AFTPH: variants seen among roughly 807,000 people sequenced by gnomAD.
AFTPH encodes aftiphilin protein.
AFTPH carries 7 observed loss-of-function variants against 72.5 expected under a neutral mutation model. That is an observed-to-expected ratio of 0.10 (90% confidence interval 0.05 to 0.18). The LOEUF is 0.18. Among genes scored for constraint, AFTPH ranks in the 10% least tolerant of loss-of-function variants. The pLI is 1.00. For synonymous variants in AFTPH, 337 were observed against 370.1 expected (o/e 0.91, Z 1.03); for missense variants, 979 against 1,060.5 (o/e 0.92, Z 1.07).
intron 2 of AFTPH, among the ~76,000 whole-genome samples, chr2:64,560,374 T>C (rs1434018007): frequency 6.6e-6 from 1 of 152,100 alleles, no homozygotes; most frequent in African/African-American, 2.4e-5. Flanking sequence ...AAACCAAATC[T>C]GGTTTAAAAA....
chr2:64,569,018 C>T, intron 3 of AFTPH, 74 bp from the exon 4 acceptor site: 1 of 1,522,570 alleles, frequency 6.6e-7, no homozygotes, highest in South Asian at 1.1e-5. Context: ...ATGTCACAGC[C>T]ATATTATAAG....
At chr2:64,578,628 G>A (rs1445196401) in intron 6 of AFTPH, among the ~76,000 whole-genome samples, 6 of 151,524 alleles carry the variant, frequency 4.0e-5, no homozygotes, top group Non-Finnish European at 8.8e-5. Flanking sequence ...CACGATCTCG[G>A]CTCACTGCAA....
intron 7 of AFTPH, chr2:64,580,157 C>T (rs1001890259): frequency 4.6e-5 from 7 of 152,578 alleles, no homozygotes; most frequent in Non-Finnish European, 8.8e-5. Flanking sequence ...TAACTTATTT[C>T]AGTAATGTAA....
intron 1 of AFTPH, among the ~76,000 whole-genome samples, chr2:64,544,243 T>C (rs1670425810): frequency 6.6e-6 from 1 of 152,220 alleles, no homozygotes; most frequent in Non-Finnish European, 1.5e-5. Flanking sequence ...ACCCAAATTC[T>C]CTATCTCTAT....
chr2:64,548,048 C>G lies in AFTPH; in HGVS notation c.-32-3395C>G, dbSNP rs537501053. ...TCAAGTAATTCACCCTCCTCAGCCCCCCAAAGTGCTGGGATTACAGGTGTG... is the reference window on the plus strand; with the variant it reads ...TCAAGTAATTCACCCTCCTCAGCCCGCCAAAGTGCTGGGATTACAGGTGTG... On this transcript the variant is annotated intron_variant, in intron 1 of 8. Transcript: ENST00000238856. Among the ~76,000 whole-genome samples, 19 of 151,332 alleles carry G rather than the reference C, an allele frequency of 1.3e-4. 1 individual carries two copies. In the South Asian group the frequency reaches 3.9e-3, roughly 31 times the overall value.
chr2:64,540,620 G>A (rs987379353), intron 1 of AFTPH, among the ~76,000 whole-genome samples: 2 of 152,106 alleles, frequency 1.3e-5, no homozygotes, highest in South Asian at 2.1e-4. Context: ...AAAAGTGAAC[G>A]TGTGTTGCAG....
chr2:64,590,835 C>T (rs1022131768), intron 8 of AFTPH, among the ~76,000 whole-genome samples: 7 of 152,146 alleles, frequency 4.6e-5, no homozygotes, highest in Non-Finnish European at 8.8e-5. Flanking sequence ...ATAAAAAAGC[C>T]TGTAGCTATC....
At chr2:64,561,662 G>A (rs374253324) in intron 2 of AFTPH, among the ~76,000 whole-genome samples, 1 of 152,112 alleles carries the variant, frequency 6.6e-6, no homozygotes, top group African/African-American at 2.4e-5. Context: ...CTGAATGAGC[G>A]AGTGAGACCA....
chr2:64,558,245 G>A (rs1315669180), intron 2 of AFTPH, among the ~76,000 whole-genome samples: 1 of 152,116 alleles, frequency 6.6e-6, no homozygotes, highest in Non-Finnish European at 1.5e-5. Flanking sequence ...AATATCAAGA[G>A]TTACCTTAAA....
intron 8 of AFTPH, among the ~76,000 whole-genome samples, chr2:64,589,196 T>C (rs1214689230): frequency 1.3e-5 from 2 of 152,238 alleles, no homozygotes; most frequent in Admixed American, 1.3e-4. Context: ...TTTAGGTCTT[T>C]AATCCATTTT....
At chr2:64,525,252 T>G (rs1243345939) in intron 1 of AFTPH, among the ~76,000 whole-genome samples, 1 of 152,206 alleles carries the variant, frequency 6.6e-6, no homozygotes, top group Non-Finnish European at 1.5e-5. Flanking sequence ...TTGGACCATA[T>G]TCCTTAAGTG....
At chr2:64,526,548 T>A (rs562155660) in intron 1 of AFTPH, among the ~76,000 whole-genome samples, 6 of 152,356 alleles carry the variant, frequency 3.9e-5, no homozygotes, top group African/African-American at 1.4e-4. Context: ...TTTTTCCCTC[T>A]ATTCTTAGCA....
At chr2:64,577,549 C>T (rs1226697932) in intron 6 of AFTPH, among the ~76,000 whole-genome samples, 1 of 152,174 alleles carries the variant, frequency 6.6e-6, no homozygotes, top group South Asian at 2.1e-4. Flanking sequence ...ATTCAGAAAT[C>T]GTTATTGTAT....
intron 2 of AFTPH, among the ~76,000 whole-genome samples, chr2:64,558,876 A>G (rs1671545283): frequency 6.6e-6 from 1 of 152,162 alleles, no homozygotes; most frequent in African/African-American, 2.4e-5. Context: ...GGGCACACTC[A>G]CACACACATA....
chr2:64,532,061 G>A (rs1669660850), intron 1 of AFTPH, among the ~76,000 whole-genome samples: 2 of 152,076 alleles, frequency 1.3e-5, no homozygotes, highest in Non-Finnish European at 2.9e-5. Flanking sequence ...AACTTACTAT[G>A]GTTCTTATGC....
chr2:64,536,973 AAAG>A (rs1162264614), intron 1 of AFTPH, among the ~76,000 whole-genome samples: 1,346 of 133,086 alleles, frequency 0.01, 6 homozygotes, highest in Non-Finnish European at 0.015. Flanking sequence ...AAAAAAAAAA[AAAG>A]AAGAAGAAGA....
chr2:64,547,634 G>A (rs927397433), intron 1 of AFTPH, among the ~76,000 whole-genome samples: 4 of 152,058 alleles, frequency 2.6e-5, no homozygotes, highest in Non-Finnish European at 5.9e-5. Context: ...TGAGGACTCA[G>A]TTTATTATTT....
At chr2:64,536,951 C>CAAAAAAAAAAAAAAAA (rs70937353) in intron 1 of AFTPH, among the ~76,000 whole-genome samples, 4 of 81,770 alleles carry the variant, frequency 4.9e-5, no homozygotes, top group Non-Finnish European at 1.0e-4. Context: ...GACTCTGTCT[C>CAAAAAAAAAAAAAAAA]AAAAAAAAAA....
rs763310211 is a variant in AFTPH, at chr2:64,553,335, C to G, written c.1861C>G (p.His621Asp). The G allele has an allele frequency of 6.9e-5, 112 of 1,613,802 alleles. No individual in the cohort carries two copies. Among genetic ancestry groups the G allele is most frequent in the Non-Finnish European group, 8.5e-5 (100 of 1,179,916 alleles). ...TGATACTCCAGGAACCCCCAAAACG[C>G]ACAGTGTACCTTCAGCAACTTCCAA... The change falls in exon 2 of 9, where the codon CAC becomes GAC. Residue 621 changes from histidine to aspartate, a missense_variant. Transcript: ENST00000238856.
Sources: allele counts gnomAD v4.1 joint callset (sites outside exome capture counted in the v4.1 genomes callset), GRCh38; gene constraint gnomAD v4.1.1; transcripts MANE v1.5; gene names NCBI Gene and HGNC (gene_info 2026-07-23, HGNC 2026-07-21).